FAT3: variants seen among roughly 807,000 people sequenced by gnomAD.
FAT3 encodes protocadherin Fat 3.
In FAT3, 95 loss-of-function variants were observed where a neutral mutation model predicts 310.2. The ratio of observed to expected loss-of-function variants is 0.31; its 90% CI spans 0.26 to 0.36. The LOEUF (loss-of-function observed/expected upper bound fraction) is 0.36, where lower values mean the gene tolerates loss of function less well. FAT3 is among the 10% of genes least tolerant of loss of function. FAT3 has a pLI of 1.00. For missense variants in FAT3, 5,408 were observed against 5,715.6 expected, an observed-to-expected ratio of 0.95 and a Z score of 1.74; for synonymous variants, 2,314 against 2,192.9, an observed-to-expected ratio of 1.06 and a Z score of -1.54.
chr11:92,507,684 A>C (rs1474769732), intron 2 of FAT3, among the ~76,000 whole-genome samples: 1 of 148,698 alleles, frequency 6.7e-6, no homozygotes, highest in African/African-American at 2.6e-5. Context: ...ATATGCACAC[A>C]TGTGTACATA....
rs535763887 is a variant in FAT3 at position 92,753,796 on chromosome 11, G to GTA, written c.3670-8059_3670-8058insAT. Among the ~76,000 whole-genome samples the GTA allele has an allele frequency of 1.7e-3, 177 of 102,614 alleles. 3 individuals are homozygous for GTA. The highest frequency in any genetic ancestry group is 6.1e-3 in the South Asian group (21 of 3,416). 67.3% of individuals were successfully genotyped at this position (102,614 alleles called of 152,430 possible). Reference sequence around the variant, plus strand: ...GTGGTGTGTGTGTGTGTGTGTGTGTGTGTATATATATATGGTGGAATACTA... The same window carrying GTA: ...GTGGTGTGTGTGTGTGTGTGTGTGTGTATGTATATATATATGGTGGAATACTA... On this transcript the variant is annotated intron_variant, in intron 4 of 27. Transcript: ENST00000525166.
At chr11:92,836,975 A>G (rs1169560466) in intron 16 of FAT3, among the ~76,000 whole-genome samples, 1 of 152,150 alleles carries the variant, frequency 6.6e-6, no homozygotes, top group Non-Finnish European at 1.5e-5. Context: ...GAGCAAAGGG[A>G]CAGAAAAATA....
At chr11:92,460,064 T>G (rs1479725406) in intron 2 of FAT3, among the ~76,000 whole-genome samples, 1 of 152,170 alleles carries the variant, frequency 6.6e-6, no homozygotes, top group Non-Finnish European at 1.5e-5. Context: ...AAAAAGCAGC[T>G]GTTCTCTGTC....
intron 1 of FAT3, among the ~76,000 whole-genome samples, chr11:92,291,008 T>C (rs565380509): frequency 6.6e-6 from 1 of 151,850 alleles, no homozygotes; most frequent in Non-Finnish European, 1.5e-5. Context: ...TTAGCTGTCC[T>C]CTTAAGGTGT....
chr11:92,318,983 C>A (rs1055862066), intron 1 of FAT3, among the ~76,000 whole-genome samples: 7 of 152,112 alleles, frequency 4.6e-5, no homozygotes, highest in African/African-American at 1.7e-4. Flanking sequence ...ATTCTATGTG[C>A]AATAAACACA....
intron 19 of FAT3, among the ~76,000 whole-genome samples, chr11:92,846,111 A>G (rs1280265642): frequency 6.6e-6 from 1 of 152,164 alleles, no homozygotes; most frequent in Non-Finnish European, 1.5e-5. Flanking sequence ...CCTTATCTAG[A>G]TTTCCTTTGT....
intron 13 of FAT3, among the ~76,000 whole-genome samples, chr11:92,828,958 C>G (rs1014336099): frequency 5.9e-5 from 9 of 152,204 alleles, no homozygotes; most frequent in African/African-American, 1.9e-4. Context: ...ACCTTCCCTT[C>G]TGGCCTTGCT....
In FAT3 at chr11:92,801,423, G is replaced by A; in HGVS notation, c.8410G>A (p.Val2804Ile). The change falls in exon 10 of 28, where the codon GTA (valine) becomes ATA (isoleucine). Residue 2804 changes from valine (V) to isoleucine (I), a missense_variant. Around this residue, in one of 5 missense-constraint regions of FAT3, gnomAD observed 4,588 missense variants for 4,809.8 expected, o/e 0.95. Coordinates refer to ENST00000525166, the MANE Select transcript of FAT3 (RefSeq NM_001367949.2). ...GTTTACTGTGGATGTAGATATCAAG[G>A]TATTGGATTTGAATGACAACAAGCC... The part of the protein sequence containing the change: ...IVFTVDVDIK[V>I]LDLNDNKPVF... 1 of 1,613,868 alleles carries A rather than the reference G, an allele frequency of 6.2e-7. No homozygotes were observed. The highest frequency in any genetic ancestry group is 8.5e-7 in the Non-Finnish European group (1 of 1,179,872).
chr11:92,334,130 C>CT (rs754962918), intron 1 of FAT3, among the ~76,000 whole-genome samples: 7 of 152,124 alleles, frequency 4.6e-5, no homozygotes, highest in Non-Finnish European at 5.9e-5. Flanking sequence ...AATCCCAGCA[C>CT]TTTGAGAGGC....
At chr11:92,628,493 C>G (rs1300741533) in intron 3 of FAT3, among the ~76,000 whole-genome samples, 1 of 152,102 alleles carries the variant, frequency 6.6e-6, no homozygotes. Flanking sequence ...AATGCTCTGC[C>G]CTCCTCTCTT....
intron 2 of FAT3, among the ~76,000 whole-genome samples, chr11:92,382,160 A>G (rs954747282): frequency 3.9e-5 from 6 of 152,208 alleles, no homozygotes; most frequent in African/African-American, 1.4e-4. Context: ...TTTTAATATC[A>G]ACTGTCAGTA....
chr11:92,637,483 C>T (rs566592), intron 3 of FAT3, among the ~76,000 whole-genome samples: 1 of 152,142 alleles, frequency 6.6e-6, no homozygotes, highest in African/African-American at 2.4e-5. Context: ...AATTCTCTCA[C>T]TTTTGCAATG....
intron 2 of FAT3, among the ~76,000 whole-genome samples, chr11:92,412,734 TATATATATATAAATATAC>T (rs1330934446): frequency 0.013 from 156 of 11,848 alleles, 28 homozygotes; most frequent in Admixed American, 0.02. Context: ...TATATATATA[TATATATATATAAATATAC>T]ATACATATAT....
At chr11:92,886,957 G>A in intron 24 of FAT3, 43 bp from the exon 25 acceptor site, 2 of 1,493,964 alleles carry the variant, frequency 1.3e-6, no homozygotes, top group Non-Finnish European at 1.8e-6. Context: ...TAGGCACAAG[G>A]TAACCAGTGT....
intron 3 of FAT3, among the ~76,000 whole-genome samples, chr11:92,601,071 G>C (rs1042713759): frequency 1.3e-5 from 2 of 152,068 alleles, no homozygotes; most frequent in African/African-American, 4.8e-5. Context: ...GGAGCATATG[G>C]GAGTTTAGAT....
intron 3 of FAT3, among the ~76,000 whole-genome samples, chr11:92,625,809 C>G (rs1418569218): frequency 6.6e-6 from 1 of 151,842 alleles, no homozygotes; most frequent in East Asian, 1.9e-4. Flanking sequence ...AACCCCAGGC[C>G]TGAGATTTCT....
At chr11:92,824,791 C>A (rs1376800691) in intron 13 of FAT3, among the ~76,000 whole-genome samples, 2 of 151,498 alleles carry the variant, frequency 1.3e-5, no homozygotes, top group Admixed American at 1.3e-4. Context: ...TTTTTTTCCA[C>A]AAAACTAGGC....
intron 3 of FAT3, among the ~76,000 whole-genome samples, chr11:92,619,370 A>G (rs758807317): frequency 6.6e-6 from 1 of 152,134 alleles, no homozygotes; most frequent in Non-Finnish European, 1.5e-5. Flanking sequence ...AACTGTCCTT[A>G]TAGAATGAAT....
chr11:92,814,481 A>G (rs1947768275), intron 13 of FAT3, among the ~76,000 whole-genome samples: 4 of 152,204 alleles, frequency 2.6e-5, no homozygotes, highest in Admixed American at 1.3e-4. Context: ...GTTCTAAGAA[A>G]TACCGTGGCA....
Sources: allele counts gnomAD v4.1 joint callset (sites outside exome capture counted in the v4.1 genomes callset), GRCh38; gene constraint gnomAD v4.1.1; regional missense constraint gnomAD v4.1.1; transcripts MANE v1.5; gene names NCBI Gene and HGNC (gene_info 2026-07-23, HGNC 2026-07-21).